The following SORCS1 variants were observed in gnomAD, a reference collection of about 807,000 sequenced individuals.
SORCS1 encodes the protein sortilin related VPS10 domain containing receptor 1.
A neutral mutation model predicts 146.1 loss-of-function variants in SORCS1; 60 were observed. That is an observed-to-expected ratio of 0.41 (90% CI 0.33 to 0.51). The LOEUF is 0.51. Ranked by LOEUF, SORCS1 falls within the 20% of genes least tolerant of loss-of-function variation. The pLI, the probability that SORCS1 is intolerant of heterozygous loss-of-function variation, is 0.21. For missense variants in SORCS1, 1,352 were observed against 1,487.6 expected (o/e 0.91, Z 1.50); for synonymous variants, 637 against 584.0 (o/e 1.09, Z -1.31).
At chr10:106,758,284 T>C (rs1055166836) in intron 5 of SORCS1, among the ~76,000 whole-genome samples, 1 of 152,304 alleles carries the variant, frequency 6.6e-6, no homozygotes, top group African/African-American at 2.4e-5. Flanking sequence ...AGACCTCTGG[T>C]GACATAGAAA....
At chr10:107,093,777 C>T (rs1316466501) in intron 1 of SORCS1, among the ~76,000 whole-genome samples, 1 of 152,110 alleles carries the variant, frequency 6.6e-6, no homozygotes, top group Non-Finnish European at 1.5e-5. Context: ...AAGCCTTACA[C>T]AATCTGCCTA....
intron 5 of SORCS1, among the ~76,000 whole-genome samples, chr10:106,750,748 AAAAAAAAAAAAAAG>A: frequency 1.5e-5 from 2 of 132,276 alleles, no homozygotes; most frequent in Non-Finnish European, 3.2e-5. Flanking sequence ...AAAAAAAAAA[AAAAAAAAAAAAAAG>A]AAAAGAAAAA....
At chr10:107,041,292 T>C (rs1176858795) in intron 1 of SORCS1, among the ~76,000 whole-genome samples, 1 of 152,018 alleles carries the variant, frequency 6.6e-6, no homozygotes, top group Non-Finnish European at 1.5e-5. Flanking sequence ...CAGTTAAGCA[T>C]TTGATGATGT....
chr10:107,133,016 G>A (rs979448215), intron 1 of SORCS1, among the ~76,000 whole-genome samples: 14 of 152,148 alleles, frequency 9.2e-5, no homozygotes, highest in African/African-American at 3.4e-4. Flanking sequence ...CCTTACACCC[G>A]CTGAAGGTTC....
intron 1 of SORCS1, among the ~76,000 whole-genome samples, chr10:107,085,767 T>C (rs557300035): frequency 6.6e-6 from 1 of 152,310 alleles, no homozygotes; most frequent in Admixed American, 6.5e-5. Flanking sequence ...TAGAATTATA[T>C]GAAGAATCCT....
chr10:106,956,797 T>TCAC (rs1227537152), intron 1 of SORCS1, among the ~76,000 whole-genome samples: 1 of 152,228 alleles, frequency 6.6e-6, no homozygotes, highest in Non-Finnish European at 1.5e-5. Context: ...TTTCTCCCTG[T>TCAC]CACCCTGCAG....
At chr10:107,013,847 T>G (rs924203348) in intron 1 of SORCS1, among the ~76,000 whole-genome samples, 1 of 152,140 alleles carries the variant, frequency 6.6e-6, no homozygotes, top group Non-Finnish European at 1.5e-5. Context: ...TTAAAAGGTC[T>G]GTAAAAATGA....
intron 2 of SORCS1, among the ~76,000 whole-genome samples, chr10:106,864,732 G>T (rs1305007014): frequency 6.6e-6 from 1 of 152,176 alleles, no homozygotes; most frequent in Non-Finnish European, 1.5e-5. Flanking sequence ...TCCTAGGGTT[G>T]GGGGGTGGGG....
rs536450016 is a variant in SORCS1, at chr10:106,729,156, A to G, written c.1024+894T>C. Among the ~76,000 whole-genome samples the G allele has an allele frequency of 2.0e-5, 3 of 152,322 alleles. No homozygotes were observed. In the South Asian group the frequency reaches 6.2e-4, roughly 32 times the overall value. ...TATTGTATATGCATGGGTTTCTTGA[A>G]TTCTCACCTGAATAGGCTCTGTGAG... On this transcript the variant is annotated intron_variant, in intron 6 of 25. Transcript: ENST00000263054.
At chr10:106,625,658 C>G (rs1848060263) in intron 19 of SORCS1, among the ~76,000 whole-genome samples, 2 of 152,140 alleles carry the variant, frequency 1.3e-5, no homozygotes, top group Admixed American at 1.3e-4. Flanking sequence ...CTACACAGAT[C>G]ATTTTACTCT....
In SORCS1 at chr10:107,006,674, G is replaced by A. The variant is rs181084953; in HGVS notation, c.559-50094C>T. ...CTACTAAAAATACAAAAAATTAGCC[G>A]GATGTGGTGGCGGGCGCCTGTAGTC... On this transcript the variant is annotated intron_variant, in intron 1 of 25. Transcript: ENST00000263054. Among the ~76,000 whole-genome samples the A allele has an allele frequency of 6.7e-3, 1,024 of 152,222 alleles. 19 individuals are homozygous for A. Among genetic ancestry groups the A allele is most frequent in the African/African-American group, 0.023 (973 of 41,546 alleles).
intron 6 of SORCS1, among the ~76,000 whole-genome samples, chr10:106,709,727 C>T (rs1422888162): frequency 2.0e-5 from 3 of 152,140 alleles, no homozygotes; most frequent in South Asian, 2.1e-4. Context: ...GGATTACAGG[C>T]GTGAGCCACC....
At chr10:106,840,859 ATATATT>A (rs1181723079) in intron 2 of SORCS1, among the ~76,000 whole-genome samples, 4 of 106,754 alleles carry the variant, frequency 3.7e-5, no homozygotes, top group Admixed American at 2.0e-4. Context: ...ATATATATAT[ATATATT>A]TTTTTTTTTT....
At chr10:107,073,623 G>A (rs1962630156) in intron 1 of SORCS1, among the ~76,000 whole-genome samples, 1 of 152,166 alleles carries the variant, frequency 6.6e-6, no homozygotes. Context: ...CTATTTTACA[G>A]ATAAAGAAAG....
intron 1 of SORCS1, among the ~76,000 whole-genome samples, chr10:107,081,885 C>T (rs1342681986): frequency 2.0e-5 from 3 of 152,096 alleles, no homozygotes; most frequent in South Asian, 2.1e-4. Flanking sequence ...CATGAACTAG[C>T]GGGAAAGTGC....
intron 9 of SORCS1, among the ~76,000 whole-genome samples, chr10:106,695,781 C>T (rs1491003128): frequency 1.3e-5 from 2 of 152,138 alleles, no homozygotes; most frequent in Admixed American, 6.5e-5. Context: ...CATTTCTTGG[C>T]TCTCTTGAAT....
At chr10:107,149,703 A>T (rs906897008) in intron 1 of SORCS1, among the ~76,000 whole-genome samples, 1 of 152,242 alleles carries the variant, frequency 6.6e-6, no homozygotes, top group Non-Finnish European at 1.5e-5. Context: ...TCCTTTGTCC[A>T]GTTTGAGGAC....
rs576929806 is a variant in SORCS1 at position 106,607,888 on chromosome 10, G to A, written c.3034-591C>T. Among the ~76,000 whole-genome samples the A allele has an allele frequency of 1.2e-4, 19 of 152,244 alleles. No individual in the cohort carries two copies. In the South Asian group the frequency reaches 3.9e-3, roughly 32 times the overall value. Reference sequence around the variant, plus strand: ...TCACAACCCTCAGGAGGCCCCTGTTGACTTTTCTGCAGCATCAGACCTGAT... The same window carrying A: ...TCACAACCCTCAGGAGGCCCCTGTTAACTTTTCTGCAGCATCAGACCTGAT... On this transcript the variant is annotated intron_variant, in intron 22 of 25. Coordinates refer to ENST00000263054, the MANE Select transcript of SORCS1 (RefSeq NM_052918.5).
intron 1 of SORCS1, among the ~76,000 whole-genome samples, chr10:107,082,487 G>GT (rs1056160667): frequency 6.7e-6 from 1 of 148,994 alleles, no homozygotes; most frequent in African/African-American, 2.5e-5. Context: ...TTTCTTTTTT[G>GT]TTTTTTTAGA....
Sources: allele counts gnomAD v4.1 joint callset (sites outside exome capture counted in the v4.1 genomes callset), GRCh38; gene constraint gnomAD v4.1.1; transcripts MANE v1.5; gene names NCBI Gene and HGNC (gene_info 2026-07-23, HGNC 2026-07-21).